SRPK2: variants seen among roughly 807,000 people sequenced by gnomAD.
SRPK2 encodes the protein SFRS protein kinase 2.
Under a neutral mutation model 90.8 loss-of-function variants are expected in SRPK2, and 21 were observed. The observed-to-expected ratio is 0.23, with a 90% CI of 0.16 to 0.33. SRPK2 has a LOEUF of 0.33. Among genes scored for constraint, SRPK2 ranks in the 10% least tolerant of loss-of-function variants. SRPK2 has a pLI of 1.00. For synonymous variants in SRPK2, 288 were observed against 311.1 expected (o/e 0.93, Z 0.78); for missense variants, 620 against 869.0 (o/e 0.71, Z 3.60).
intron 11 of SRPK2, among the ~76,000 whole-genome samples, chr7:105,139,101 G>A (rs1169674343): frequency 6.6e-6 from 1 of 152,166 alleles, no homozygotes; most frequent in Admixed American, 6.5e-5. Context: ...TGCTGGTTAT[G>A]CAGGGATGTA....
At chr7:105,325,615 T>G (rs1039576707) in intron 2 of SRPK2, among the ~76,000 whole-genome samples, 8 of 148,790 alleles carry the variant, frequency 5.4e-5, no homozygotes, top group African/African-American at 7.4e-5. Context: ...CTAAGTACTT[T>G]AGGAGGCTTA....
chr7:105,115,752 A>C (rs1379496102), downstream of SRPK2, among the ~76,000 whole-genome samples: 1 of 152,166 alleles, frequency 6.6e-6, no homozygotes, highest in Non-Finnish European at 1.5e-5. Context: ...AATCTAGTTT[A>C]TTTTCCAACA....
At chr7:105,343,766 T>G (rs1447177481) in intron 2 of SRPK2, among the ~76,000 whole-genome samples, 1 of 152,164 alleles carries the variant, frequency 6.6e-6, no homozygotes, top group African/African-American at 2.4e-5. Context: ...TCTTTTTTAT[T>G]TTTTATTTTT....
chr7:105,203,129 C>T (rs566352660), intron 3 of SRPK2, among the ~76,000 whole-genome samples: 1 of 152,296 alleles, frequency 6.6e-6, no homozygotes, highest in African/African-American at 2.4e-5. Flanking sequence ...CCTGGAACTA[C>T]AGGCACTTAC....
chr7:105,280,406 G>C (rs1323500834), intron 2 of SRPK2, among the ~76,000 whole-genome samples: 2 of 150,782 alleles, frequency 1.3e-5, no homozygotes, highest in Non-Finnish European at 2.9e-5. Flanking sequence ...CTGGGTGACA[G>C]AGTGAGACTG....
At chr7:105,308,865 C>A (rs575204386) in intron 2 of SRPK2, among the ~76,000 whole-genome samples, 2 of 152,296 alleles carry the variant, frequency 1.3e-5, no homozygotes, top group African/African-American at 4.8e-5. Flanking sequence ...TCTCTGTAAT[C>A]TTTCATCCTG....
In SRPK2 at chr7:105,304,601, G is replaced by C. The variant is rs73409856; in HGVS notation, c.71+84047C>G. On this transcript the variant is annotated intron_variant, in intron 2 of 15. Transcript: ENST00000393651. ...GCATGTATGCATACTAAAGTAAACA[G>C]AGTTGTCTTGCCCAAAGACTTGCCC... Among the ~76,000 whole-genome samples, 491 of 152,336 alleles carry C rather than the reference G, an allele frequency of 3.2e-3. 3 individuals carry two copies. The highest frequency in any genetic ancestry group is 0.011 in the African/African-American group (472 of 41,586).
intron 2 of SRPK2, chr7:105,301,711 A>G (rs1245524001): frequency 6.2e-7 from 1 of 1,611,144 alleles, no homozygotes; most frequent in Non-Finnish European, 8.5e-7. Flanking sequence ...TCTATCTATG[A>G]ACGCTTTTTT....
chr7:105,380,375 T>C (rs1820798828), intron 2 of SRPK2, among the ~76,000 whole-genome samples: 1 of 152,026 alleles, frequency 6.6e-6, no homozygotes, highest in Non-Finnish European at 1.5e-5. Flanking sequence ...CTAGTGATCC[T>C]CACTGATCTT....
intron 2 of SRPK2, chr7:105,268,781 G>C: frequency 6.3e-7 from 1 of 1,586,366 alleles, no homozygotes; most frequent in South Asian, 1.1e-5. Flanking sequence ...ACCATTAATT[G>C]TTCATGCAAG....
At chr7:105,310,697 A>T (rs942287761) in intron 2 of SRPK2, among the ~76,000 whole-genome samples, 2 of 152,064 alleles carry the variant, frequency 1.3e-5, no homozygotes, top group African/African-American at 4.8e-5. Flanking sequence ...AAAGAAGAAA[A>T]TTTTGGATCA....
intron 2 of SRPK2, among the ~76,000 whole-genome samples, chr7:105,340,585 T>C (rs1815651388): frequency 6.6e-6 from 1 of 151,928 alleles, no homozygotes; most frequent in Non-Finnish European, 1.5e-5. Flanking sequence ...CTAAGTTTTT[T>C]GGTTTTTGTT....
chr7:105,390,612 T>G (rs1389424504), upstream of SRPK2, among the ~76,000 whole-genome samples: 2 of 130,804 alleles, frequency 1.5e-5, no homozygotes. Flanking sequence ...TTTTTGTTTT[T>G]TTTTTTTTTT....
At chr7:105,358,955 G>A (rs1287160290) in intron 2 of SRPK2, among the ~76,000 whole-genome samples, 1 of 151,346 alleles carries the variant, frequency 6.6e-6, no homozygotes, top group Non-Finnish European at 1.5e-5. Context: ...GAGAAAGCAA[G>A]AGTGGAGGTG....
chr7:105,392,450 G>A (rs571362732), upstream of SRPK2, among the ~76,000 whole-genome samples: 1 of 152,314 alleles, frequency 6.6e-6, no homozygotes, highest in South Asian at 2.1e-4. Flanking sequence ...TCAATGGGTT[G>A]GCATCCATTG....
intron 2 of SRPK2, among the ~76,000 whole-genome samples, chr7:105,212,177 A>G (rs2129612774): frequency 6.6e-6 from 1 of 152,340 alleles, no homozygotes; most frequent in East Asian, 1.9e-4. Context: ...GTGGGATCTG[A>G]CAGAAAATAT....
intron 3 of SRPK2, among the ~76,000 whole-genome samples, chr7:105,199,991 T>A (rs1563073035): frequency 6.6e-6 from 1 of 151,614 alleles, no homozygotes; most frequent in Non-Finnish European, 1.5e-5. Context: ...CATATCCTAC[T>A]GTACTTGAAG....
chr7:105,289,296 AT>A (rs1386326571), intron 2 of SRPK2, among the ~76,000 whole-genome samples: 3 of 151,970 alleles, frequency 2.0e-5, no homozygotes, highest in African/African-American at 7.3e-5. Flanking sequence ...TAAAAAAAAA[AT>A]AAAAAATAAC....
chr7:105,334,995 C>T (rs1814918302), intron 2 of SRPK2, among the ~76,000 whole-genome samples: 1 of 150,294 alleles, frequency 6.7e-6, no homozygotes, highest in Non-Finnish European at 1.5e-5. Flanking sequence ...ACGGTGAAAC[C>T]CCGTCTCTAC....
Sources: allele counts gnomAD v4.1 joint callset (sites outside exome capture counted in the v4.1 genomes callset), GRCh38; gene constraint gnomAD v4.1.1; transcripts MANE v1.5; gene names NCBI Gene and HGNC (gene_info 2026-07-23, HGNC 2026-07-21).